Variants in SCN2A observed in about 807,000 individuals in gnomAD.
The protein encoded by SCN2A is sodium channel protein type 2 subunit alpha.
A neutral mutation model predicts 188.7 loss-of-function variants in SCN2A; 20 were observed. That is an observed-to-expected ratio of 0.11 (90% CI 0.07 to 0.15). SCN2A has a LOEUF of 0.15. Among genes scored for constraint, SCN2A ranks in the 10% least tolerant of loss-of-function variants. The pLI, the probability that SCN2A is intolerant of heterozygous loss-of-function variation, is 1.00. For synonymous variants in SCN2A, 804 were observed against 833.1 expected, an observed-to-expected ratio of 0.97 and a Z score of 0.60; for missense variants, 1,278 against 2,445.0, an observed-to-expected ratio of 0.52 and a Z score of 10.07.
At chr2:165,250,962 C>A (rs1401399865) in intron 1 of SCN2A, among the ~76,000 whole-genome samples, 1 of 151,858 alleles carries the variant, frequency 6.6e-6, no homozygotes, top group Non-Finnish European at 1.5e-5. Flanking sequence ...TTATTAAAGA[C>A]CATAAGGAGT....
At chr2:165,385,458 G>A (rs1257223515) in intron 25 of SCN2A, among the ~76,000 whole-genome samples, 1 of 152,132 alleles carries the variant, frequency 6.6e-6, no homozygotes, top group Non-Finnish European at 1.5e-5. Flanking sequence ...TTGGAAATAA[G>A]GTCCAAATAG....
At chr2:165,269,910 G>A (rs1695031575) in intron 1 of SCN2A, 1 of 151,486 alleles carries the variant, frequency 6.6e-6, no homozygotes, top group Admixed American at 6.6e-5. Flanking sequence ...AATTCAAATG[G>A]CCTCTTTATT....
At chr2:165,341,162 C>G (rs921490370) in intron 14 of SCN2A, among the ~76,000 whole-genome samples, 2 of 152,250 alleles carry the variant, frequency 1.3e-5, no homozygotes, top group African/African-American at 4.8e-5. Context: ...GGCGCTATCT[C>G]GGCTCACTGC....
intron 18 of SCN2A, among the ~76,000 whole-genome samples, chr2:165,366,255 G>A (rs1700719899): frequency 6.6e-6 from 1 of 152,052 alleles, no homozygotes; most frequent in African/African-American, 2.4e-5. Flanking sequence ...CATTCTTTGA[G>A]GACAAGGCTA....
At position 165,327,035 on chromosome 2, in the gene SCN2A, A is replaced by G. The variant is rs370086705; in HGVS notation, c.2149+51A>G. 3.1e-4 allele frequency: 492 copies of G among 1,602,598 alleles called. No homozygotes were observed. Among genetic ancestry groups the G allele is most frequent in the Admixed American group, 1.3e-3 (79 of 59,980 alleles). On this transcript the variant is annotated intron_variant, in intron 13 of 26. Coordinates refer to ENST00000375437, the MANE Select transcript of SCN2A (RefSeq NM_001040142.2). Reference sequence around the variant, plus strand: ...TTACTTGGTGCTTTGGTAATGATGAAAAAACACTTCATAAATTTCAATAAA... The same window carrying G: ...TTACTTGGTGCTTTGGTAATGATGAGAAAACACTTCATAAATTTCAATAAA...
chr2:165,295,587 G>A (rs1486351570), intron 1 of SCN2A, among the ~76,000 whole-genome samples, 186 bp from the exon 2 acceptor site: 1 of 152,216 alleles, frequency 6.6e-6, no homozygotes, highest in Non-Finnish European at 1.5e-5. Flanking sequence ...GAATGTGAGA[G>A]ATAGATCTCC....
chr2:165,381,173 A>G lies in SCN2A; in HGVS notation c.4527A>G (p.Pro1509=), dbSNP rs1168759785. Residue 1509 remains proline (P), a synonymous_variant, in exon 25 of 27, where the codon CCA becomes CCG. Coordinates refer to ENST00000375437, the MANE Select transcript of SCN2A (RefSeq NM_001040142.2). ...NAMKKLGSKK[P]QKPIPRPANK... ...TGAAAAAACTGGGTTCAAAGAAACCACAAAAACCCATACCTCGACCTGCTG... is the reference window on the plus strand; with the variant it reads ...TGAAAAAACTGGGTTCAAAGAAACCGCAAAAACCCATACCTCGACCTGCTG... 1 of 1,585,250 alleles carries G rather than the reference A, an allele frequency of 6.3e-7. No individual in the cohort carries two copies. The highest frequency in any genetic ancestry group is 8.6e-7 in the Non-Finnish European group (1 of 1,163,648).
intron 3 of SCN2A, among the ~76,000 whole-genome samples, chr2:165,298,536 C>T (rs1169237715): frequency 3.9e-5 from 6 of 152,150 alleles, no homozygotes; most frequent in Non-Finnish European, 7.4e-5. Context: ...TTTAAGATTT[C>T]CTAGTTTCTT....
chr2:165,350,000 G>A (rs1277700710), intron 16 of SCN2A, among the ~76,000 whole-genome samples: 1 of 152,194 alleles, frequency 6.6e-6, no homozygotes, highest in Non-Finnish European at 1.5e-5. Flanking sequence ...GGATGGGACT[G>A]CCAGCCTAGT....
At chr2:165,259,848 T>G (rs1694494156) in intron 1 of SCN2A, among the ~76,000 whole-genome samples, 5 of 152,136 alleles carry the variant, frequency 3.3e-5, no homozygotes. Context: ...GAATGGTGAA[T>G]TCTTTCCAAA....
At chr2:165,269,945 TTCTTC>T (rs1446080934) in intron 1 of SCN2A, 1 of 151,908 alleles carries the variant, frequency 6.6e-6, no homozygotes, top group Non-Finnish European at 1.5e-5. Flanking sequence ...TCAATCCCAA[TTCTTC>T]TCTTCTGTTC....
At chr2:165,328,046 C>G (rs1015929447) in intron 13 of SCN2A, 4 of 152,050 alleles carry the variant, frequency 2.6e-5, no homozygotes, top group African/African-American at 9.7e-5. Context: ...CAAAAGAGAG[C>G]AAGCATACAC....
In SCN2A at chr2:165,370,108, G is replaced by C; in HGVS notation, c.3676-18G>C. 3 of 1,606,652 alleles carry C rather than the reference G, an allele frequency of 1.9e-6. No homozygotes were observed. The highest frequency in any genetic ancestry group is 2.6e-6 in the Non-Finnish European group (3 of 1,173,560). ...CTGTTTCTGATCATAAAATTTAATA[G>C]AATTTTTTGACTTACAGGCCTTTGA... On this transcript the variant is annotated intron_variant, in intron 19 of 26. Coordinates refer to ENST00000375437, the MANE Select transcript of SCN2A (RefSeq NM_001040142.2).
chr2:165,323,472 T>A lies in SCN2A; in HGVS notation c.1988T>A (p.Leu663His). Residue 663 changes from leucine to histidine, a missense_variant, in exon 12 of 27, where the codon CTC becomes CAC. Transcript: ENST00000375437. ...TCCCTGGTCGGGGGCCCTTCTACCC[T>A]CACATCTGCTGGGCAGCTCCTACCA... Reference protein sequence around the residue: ...VVSLVGGPSTLTSAGQLLPEG... With the variant: ...VVSLVGGPSTHTSAGQLLPEG... 1 of 1,613,614 alleles carries A rather than the reference T, an allele frequency of 6.2e-7. No homozygotes were observed. Among genetic ancestry groups the A allele is most frequent in the Non-Finnish European group, 8.5e-7 (1 of 1,179,816 alleles).
In SCN2A at chr2:165,389,948, T is replaced by C. The variant is rs1702065711; in HGVS notation, c.*124T>C. The C allele has an allele frequency of 6.8e-7, 1 of 1,464,582 alleles. No individual in the cohort carries two copies. The highest frequency in any genetic ancestry group is 1.4e-5 in the African/African-American group (1 of 70,410). The allele number at this position is 1,464,582 out of a possible 1,614,324, so 90.7% of individuals were successfully genotyped here. The stretch of plus-strand genomic sequence containing the variant: ...ACTGACTGTTTTTACAAATGTATAC[T>C]TAAGGTCAGTGCCTATAACAAGACA... On this transcript the variant is annotated 3_prime_UTR_variant, in exon 27 of 27. Transcript: ENST00000375437. The surrounding 1 kb of genome is among the most constrained non-coding windows in gnomAD (Gnocchi z 4.2).
intron 1 of SCN2A, among the ~76,000 whole-genome samples, chr2:165,282,106 G>A (rs922669156): frequency 3.3e-5 from 5 of 152,260 alleles, no homozygotes; most frequent in South Asian, 2.1e-4. Context: ...TAAGCCTGTC[G>A]GGGATTTGAT....
chr2:165,288,779 T>C (rs1409375400), intron 1 of SCN2A, among the ~76,000 whole-genome samples: 2 of 151,932 alleles, frequency 1.3e-5, no homozygotes, highest in Non-Finnish European at 2.9e-5. Flanking sequence ...TATATGCATA[T>C]ATACAAATAT....
chr2:165,282,386 C>T (rs989282966), intron 1 of SCN2A, among the ~76,000 whole-genome samples: 1 of 152,136 alleles, frequency 6.6e-6, no homozygotes, highest in Admixed American at 6.5e-5. Flanking sequence ...GGGATGGGGG[C>T]AGACATTATC....
At chr2:165,369,665 CCA>C (rs373614955) in intron 19 of SCN2A, among the ~76,000 whole-genome samples, 1 of 151,884 alleles carries the variant, frequency 6.6e-6, no homozygotes. Context: ...CCACCCGCCT[CCA>C]CACACACACA....
Sources: gnomAD v4.1 joint callset for allele counts (sites outside exome capture counted in the v4.1 genomes callset) on GRCh38, gnomAD v4.1.1 for gene constraint, Gnocchi (gnomAD v3.1) non-coding constraint, MANE v1.5 for transcripts, NCBI Gene and HGNC (gene_info 2026-07-23, HGNC 2026-07-21) for gene names.